TUBGCP6: variants seen among roughly 807,000 people sequenced by gnomAD.
The protein encoded by TUBGCP6 is gamma-tubulin complex component 6.
A neutral mutation model predicts 175.8 loss-of-function variants in TUBGCP6; 161 were observed. The ratio of observed to expected loss-of-function variants is 0.92; its 90% confidence interval spans 0.81 to 1.04. The LOEUF (loss-of-function observed/expected upper bound fraction) is 1.04, where lower values mean the gene tolerates loss of function less well. Ranked by LOEUF, TUBGCP6 falls within the 50% of genes least tolerant of loss-of-function variation. The pLI, the probability that TUBGCP6 is intolerant of heterozygous loss-of-function variation, is 0.00. For missense variants in TUBGCP6, 2,572 were observed against 2,433.0 expected (o/e 1.06, Z -1.20); for synonymous variants, 1,173 against 1,030.5 (o/e 1.14, Z -2.65).
At chr22:50,231,791 C>T (rs577554344) in intron 3 of TUBGCP6, among the ~76,000 whole-genome samples, 2 of 143,048 alleles carry the variant, frequency 1.4e-5, no homozygotes, top group East Asian at 4.4e-4. Context: ...ACCCGGGAGG[C>T]GGAGCTTGGA....
Position 50,244,150 on chromosome 22 carries a change from G to C in TUBGCP6, c.310C>G (p.Leu104Val). The C allele has an allele frequency of 1.2e-6, 2 of 1,613,484 alleles. No homozygotes were observed. Among genetic ancestry groups the C allele is most frequent in the Non-Finnish European group, 8.5e-7 (1 of 1,180,034 alleles). Residue 104 changes from leucine (L) to valine (V), a missense_variant, in exon 1 of 25, where the codon CTT becomes GTT. Transcript: ENST00000248846. ...EELEAAPCCP[L>V]LEVGSVLDLL... is the part of the protein sequence containing the mutation. ...TCCAAAACAGACCCCACCTCCAAAA[G>C]CGGACAGCAAGGGGCTGCTTCCAGC...
intron 1 of TUBGCP6, among the ~76,000 whole-genome samples, chr22:50,241,724 C>G (rs2064841054): frequency 6.6e-6 from 1 of 152,202 alleles, no homozygotes; most frequent in African/African-American, 2.4e-5. Context: ...ACACGTGACC[C>G]ACGTGACCTT....
rs1382725867 is a variant in TUBGCP6, at chr22:50,226,712, C to CCTGCCCAGCCCA, written c.1601+9_1601+20dup. 28 of 1,561,498 alleles carry CCTGCCCAGCCCA rather than the reference C, an allele frequency of 1.8e-5. 1 individual carries two copies. In the Admixed American group the frequency reaches 4.3e-4, roughly 24 times the overall value. ...CTGGTGGGAGTGCGCGCCCGCCGCG[C>CCTGCCCAGCCCA]CTGCCCAGCCCACTGCCCACCGGGT... On this transcript the variant is annotated intron_variant, in intron 7 of 24. Transcript: ENST00000248846.
In TUBGCP6 at chr22:50,224,348, A is replaced by G. The variant is rs2064573167; in HGVS notation, c.2138T>C (p.Phe713Ser). 1 of 1,614,060 alleles carries G rather than the reference A, an allele frequency of 6.2e-7. No homozygotes were observed. Among genetic ancestry groups the G allele is most frequent in the African/African-American group, 1.3e-5 (1 of 74,922 alleles). ...CCTACCCACCTCCTGGTCCTTCACA[A>G]ATTGTTCTTTCAGCCTCTGAAACTG... is the stretch of plus-strand genomic sequence containing the variant. ...REQFQRLKEQ[F>S]VKDQERRQAA... The change falls in exon 12 of 25, where the codon TTT becomes TCT. Residue 713 changes from phenylalanine to serine, a missense_variant. Physicochemically the swap from Phe to Ser is radical, Grantham distance 155. Coordinates refer to ENST00000248846, the MANE Select transcript of TUBGCP6 (RefSeq NM_020461.4).
chr22:50,222,069 G>A lies in TUBGCP6; in HGVS notation c.2443C>T (p.Pro815Ser), dbSNP rs199664158. 45 of 1,613,826 alleles carry A rather than the reference G, an allele frequency of 2.8e-5. No homozygotes were observed. The highest frequency in any genetic ancestry group is 1.5e-4 in the African/African-American group (11 of 75,058). ...MLKAVSEAHQ[P>S]QEPPDVLLSV... ...AAGAGGACGTCTGGCGGCTCCTGGG[G>A]CTGGTGAGCCTCAGACACTGCTTTC... Residue 815 changes from proline to serine, a missense_variant, in exon 15 of 25, where the codon CCC (proline) becomes TCC (serine). Transcript: ENST00000248846.
intron 1 of TUBGCP6, among the ~76,000 whole-genome samples, chr22:50,241,350 T>G (rs567071993): frequency 2.8e-4 from 42 of 152,246 alleles, no homozygotes; most frequent in Admixed American, 2.2e-3. Context: ...GACCTTGGTC[T>G]AGCGGTAGCG....
In TUBGCP6 at chr22:50,218,021, G is replaced by A. The variant is rs111468761; in HGVS notation, c.5265C>T (p.Ala1755=). 6.2e-6 allele frequency: 10 copies of A among 1,613,344 alleles called. No individual in the cohort carries two copies. Among genetic ancestry groups the A allele is most frequent in the Non-Finnish European group, 8.5e-6 (10 of 1,179,932 alleles). Residue 1755 remains alanine, a synonymous_variant, in exon 24 of 25, where the codon GCC becomes GCT. Coordinates refer to ENST00000248846, the MANE Select transcript of TUBGCP6 (RefSeq NM_020461.4). The part of the protein sequence containing the change: ...LKFRSQLISQ[A]WGPPGGPRGA... ...CCCGCGGGCCCCCAGGGGGCCCCCAGGCCTGGGAGATGAGCTGGCTGCGGA... is the reference window on the plus strand; with the variant it reads ...CCCGCGGGCCCCCAGGGGGCCCCCAAGCCTGGGAGATGAGCTGGCTGCGGA...
intron 20 of TUBGCP6, 67 bp from the exon 21 acceptor site, chr22:50,218,964 A>G (rs2064466405): frequency 1.3e-6 from 2 of 1,588,396 alleles, no homozygotes; most frequent in Non-Finnish European, 1.7e-6. Flanking sequence ...CCGGCACCCC[A>G]TGGGGCTGTG....
In TUBGCP6 at chr22:50,228,683, C is replaced by T. The variant is rs150329591; in HGVS notation, c.1291-655G>A. On this transcript the variant is annotated intron_variant, in intron 4 of 24. Coordinates refer to ENST00000248846, the MANE Select transcript of TUBGCP6 (RefSeq NM_020461.4). ...AGCTCTCAAGTCCCCCGGGGCTGAG[C>T]CTCTGCCTAGAAGCTCTCCCCGCCC... is the stretch of plus-strand genomic sequence containing the variant. Among the ~76,000 whole-genome samples the T allele has an allele frequency of 3.6e-3, 550 of 152,240 alleles. 3 individuals carry two copies. The highest frequency in any genetic ancestry group is 0.013 in the African/African-American group (522 of 41,514).
In TUBGCP6 at chr22:50,217,775, C is replaced by G. The variant is rs1349448696; in HGVS notation, c.5421G>C (p.Leu1807=). The change falls in exon 25 of 25, where the codon CTG becomes CTC. Residue 1807 remains leucine, a synonymous_variant. Coordinates refer to ENST00000248846, the MANE Select transcript of TUBGCP6 (RefSeq NM_020461.4). ...RGYQPHLEDF[L]LRINFNNYYQ... The stretch of plus-strand genomic sequence containing the variant: ...AGTAGTTGTTGAAGTTGATGCGCAG[C>G]AGAAAGTCCTCCAGGTGGGGCTGGT... 1 of 1,614,084 alleles carries G rather than the reference C, an allele frequency of 6.2e-7. No homozygotes were observed. Among genetic ancestry groups the G allele is most frequent in the East Asian group, 2.2e-5 (1 of 44,878 alleles).
chr22:50,232,365 CAAAAAA>C (rs765363119), intron 3 of TUBGCP6, among the ~76,000 whole-genome samples: 1 of 94,902 alleles, frequency 1.1e-5, no homozygotes, highest in Non-Finnish European at 2.1e-5. Context: ...GACTCTGTCT[CAAAAAA>C]AAAAAAGAAA....
intron 3 of TUBGCP6, among the ~76,000 whole-genome samples, chr22:50,232,670 C>A (rs565329701): frequency 6.6e-6 from 1 of 152,384 alleles, no homozygotes; most frequent in Non-Finnish European, 1.5e-5. Context: ...CCGGCAGCAG[C>A]TGGAGCTTGC....
rs771788731 is a variant in TUBGCP6, at chr22:50,220,321, G to A, written c.4038C>T (p.Asn1346=). 4.0e-5 allele frequency: 63 copies of A among 1,568,376 alleles called. No individual in the cohort carries two copies. Among genetic ancestry groups the A allele is most frequent in the Admixed American group, 7.2e-5 (4 of 55,550 alleles). ...CGEGSISVGE[N]VSDVAPTQPW... Reference sequence around the variant, plus strand: ...GTTGGGTGGGAGCCACGTCTGACACGTTCTCCCCCACGCTGATGCTCCCCT... The same window carrying A: ...GTTGGGTGGGAGCCACGTCTGACACATTCTCCCCCACGCTGATGCTCCCCT... The change falls in exon 16 of 25, where the codon AAC becomes AAT. Residue 1346 remains asparagine, a synonymous_variant. Transcript: ENST00000248846.
chr22:50,233,630 G>T, intron 2 of TUBGCP6, 104 bp from the exon 3 acceptor site: 2 of 1,125,362 alleles, frequency 1.8e-6, no homozygotes, highest in Non-Finnish European at 2.6e-6. Flanking sequence ...GAATGGAAGT[G>T]ATTCAAAACA....
rs1228096126 is a variant in TUBGCP6, at chr22:50,221,764, G to A, written c.2595C>T (p.Thr865=). Reference sequence around the variant, plus strand: ...CTGCTAGAGGCTTAAGGGGCTGTGGGGTCAGCAGGCCTGGCCTGTTCCAGC... The same window carrying A: ...CTGCTAGAGGCTTAAGGGGCTGTGGAGTCAGCAGGCCTGGCCTGTTCCAGC... The part of the protein sequence containing the change: ...WDGWNRPGLL[T]PQPLKPLAVG... Residue 865 remains threonine, a synonymous_variant, in exon 16 of 25, where the codon ACC becomes ACT. Coordinates refer to ENST00000248846, the MANE Select transcript of TUBGCP6 (RefSeq NM_020461.4). 3.3e-6 allele frequency: 5 copies of A among 1,514,540 alleles called. No individual in the cohort carries two copies. Among genetic ancestry groups the A allele is most frequent in the South Asian group, 1.3e-5 (1 of 74,810 alleles). 93.8% of individuals were successfully genotyped at this position (1,514,540 alleles called of 1,614,324 possible).
In TUBGCP6 at chr22:50,233,179, G is replaced by A; in HGVS notation, c.1116+137C>T. ...GATGATGCTGGCTGTCATCACTGGT[G>A]GCCCTGGGAGCTGGCCTTCCCTGCC... On this transcript the variant is annotated intron_variant, in intron 3 of 24. Coordinates refer to ENST00000248846, the MANE Select transcript of TUBGCP6 (RefSeq NM_020461.4). The A allele has an allele frequency of 5.7e-6, 5 of 880,586 alleles. No homozygotes were observed. In the South Asian group the frequency reaches 8.6e-5, roughly 15 times the overall value. 54.5% of individuals were successfully genotyped at this position (880,586 alleles called of 1,614,324 possible). A position where few individuals can be genotyped will look rare whatever the true frequency, so the allele number is the denominator to read the frequency against.
rs147939592 is a variant in TUBGCP6, at chr22:50,218,513, G to A, written c.4929C>T (p.Asp1643=). The A allele has an allele frequency of 4.5e-4, 731 of 1,613,676 alleles. 2 individuals carry two copies. The African/African-American group carries it at 7.7e-3, about 17-fold the overall frequency. ...CTGTGCGCTTGAGGTGGAAGCAGACGTCCTTGAGCGCCCACATCATGAGCT... is the reference window on the plus strand; with the variant it reads ...CTGTGCGCTTGAGGTGGAAGCAGACATCCTTGAGCGCCCACATCATGAGCT... ...QLKLMMWALK[D]VCFHLKRTAL... is the part of the protein sequence containing the mutation. Residue 1643 remains aspartate, a synonymous_variant, in exon 22 of 25, where the codon GAC becomes GAT. Transcript: ENST00000248846.
At chr22:50,217,849 A>G (rs931491100) in intron 24 of TUBGCP6, 22 bp from the exon 25 acceptor site, 12 of 1,612,812 alleles carry the variant, frequency 7.4e-6, no homozygotes, top group Non-Finnish European at 1.0e-5. Context: ...CGAGCAGCTC[A>G]GGCTTTTGCC....
At chr22:50,222,619 G>C (rs377126135) in intron 13 of TUBGCP6, 27 bp from the exon 14 acceptor site, 1 of 1,603,668 alleles carries the variant, frequency 6.2e-7, no homozygotes, top group African/African-American at 1.3e-5. Context: ...GAGAGGACAC[G>C]GCCACAAGAG....
Sources: allele counts gnomAD v4.1 joint callset (sites outside exome capture counted in the v4.1 genomes callset), GRCh38; gene constraint gnomAD v4.1.1; transcripts MANE v1.5; gene names NCBI Gene and HGNC (gene_info 2026-07-23, HGNC 2026-07-21).